METAP1D: variants seen among roughly 807,000 people sequenced by gnomAD.
METAP1D encodes the protein methionine aminopeptidase 1D, mitochondrial.
A neutral mutation model predicts 40.5 loss-of-function variants in METAP1D; 31 were observed. That is an observed-to-expected ratio of 0.77 (90% CI 0.58 to 1.03). The LOEUF (loss-of-function observed/expected upper bound fraction) is 1.03, where lower values mean the gene tolerates loss of function less well. Ranked by LOEUF, METAP1D falls within the 50% of genes least tolerant of loss-of-function variation. The probability of loss-of-function intolerance (pLI) is 0.00; values close to 1 mark genes in which losing one functional copy is unlikely to be tolerated. For missense variants in METAP1D, 411 were observed against 420.7 expected, an observed-to-expected ratio of 0.98 and a Z score of 0.20; for synonymous variants, 151 against 146.4, an observed-to-expected ratio of 1.03 and a Z score of -0.22.
chr2:172,007,847 AC>A (rs1688623749), intron 1 of METAP1D, among the ~76,000 whole-genome samples: 1 of 151,700 alleles, frequency 6.6e-6, no homozygotes, highest in South Asian at 2.1e-4. Context: ...ATGCCACGAC[AC>A]CCGGCTAATT....
intron 1 of METAP1D, among the ~76,000 whole-genome samples, chr2:172,054,318 G>A (rs1043270624): frequency 3.9e-5 from 6 of 152,158 alleles, no homozygotes; most frequent in East Asian, 1.9e-4. Flanking sequence ...TCAGGAGATC[G>A]AGACCATCCT....
intron 1 of METAP1D, among the ~76,000 whole-genome samples, chr2:172,050,434 G>GTT (rs147904842): frequency 1.3e-5 from 2 of 151,162 alleles, no homozygotes; most frequent in South Asian, 2.1e-4. Flanking sequence ...TACTATATCA[G>GTT]TTTTTTTTTA....
At chr2:172,058,555 T>C (rs1690052006) in intron 1 of METAP1D, among the ~76,000 whole-genome samples, 1 of 152,166 alleles carries the variant, frequency 6.6e-6, no homozygotes, top group Non-Finnish European at 1.5e-5. Context: ...AACTTTTTTT[T>C]TTTTAGAGAG....
intron 1 of METAP1D, among the ~76,000 whole-genome samples, chr2:172,017,619 A>C (rs1168241751): frequency 6.6e-6 from 1 of 151,904 alleles, no homozygotes; most frequent in Non-Finnish European, 1.5e-5. Context: ...ATGGACAAAA[A>C]TGTGATTCAT....
chr2:172,071,790 A>G (rs2105492766), intron 6 of METAP1D, among the ~76,000 whole-genome samples: 1 of 152,352 alleles, frequency 6.6e-6, no homozygotes, highest in East Asian at 1.9e-4. Context: ...ATTCTGTTAA[A>G]GATGATCACA....
chr2:172,068,376 AGAGCG>A (rs1266814114), intron 5 of METAP1D, among the ~76,000 whole-genome samples: 2 of 152,158 alleles, frequency 1.3e-5, no homozygotes, highest in African/African-American at 4.8e-5. Flanking sequence ...CCTGGGTGAC[AGAGCG>A]AGACTCTGTC....
In METAP1D at chr2:172,071,060, A is replaced by T; in HGVS notation, c.694A>T (p.Asn232Tyr). The T allele has an allele frequency of 6.2e-7, 1 of 1,610,032 alleles. No individual in the cohort carries two copies. The highest frequency in any genetic ancestry group is 1.1e-5 in the South Asian group (1 of 90,568). Residue 232 changes from asparagine to tyrosine, a missense_variant, in exon 6 of 10, where the codon AAC (asparagine) becomes TAC (tyrosine). Transcript: ENST00000315796. The stretch of plus-strand genomic sequence containing the variant: ...AGGGGCTCCCTTCTCTGTAATTGGA[A>T]ACACAATCAGGTAAGCCTTACATTG... ...RAGAPFSVIG[N>Y]TISHITHQNG...
intron 1 of METAP1D, among the ~76,000 whole-genome samples, chr2:172,017,610 T>G (rs1688905847): frequency 6.6e-6 from 1 of 151,870 alleles, no homozygotes. Flanking sequence ...ATTAGGAATA[T>G]GGACAAAAAT....
chr2:172,049,058 C>T (rs1241638828), intron 1 of METAP1D, among the ~76,000 whole-genome samples: 2 of 152,176 alleles, frequency 1.3e-5, no homozygotes, highest in African/African-American at 2.4e-5. Flanking sequence ...AATCTTGGCT[C>T]ACTGCAACCT....
intron 1 of METAP1D, among the ~76,000 whole-genome samples, chr2:172,033,969 C>T (rs544396319): frequency 2.0e-5 from 3 of 149,302 alleles, no homozygotes; most frequent in Non-Finnish European, 4.4e-5. Context: ...CCCGGCTACT[C>T]GGGAGGCTGA....
intron 1 of METAP1D, among the ~76,000 whole-genome samples, chr2:172,023,581 T>C (rs1236451958): frequency 6.6e-6 from 1 of 152,208 alleles, no homozygotes; most frequent in African/African-American, 2.4e-5. Context: ...TCGTCAGGAC[T>C]CATCGAATGG....
At chr2:172,065,329 T>A (rs183160190) in intron 3 of METAP1D, among the ~76,000 whole-genome samples, 7 of 152,346 alleles carry the variant, frequency 4.6e-5, no homozygotes, top group Non-Finnish European at 1.0e-4. Context: ...AAGGGAGTTA[T>A]GTCATTTAAT....
intron 1 of METAP1D, among the ~76,000 whole-genome samples, chr2:172,025,354 G>T (rs951286789): frequency 1.3e-5 from 2 of 152,056 alleles, no homozygotes; most frequent in African/African-American, 4.8e-5. Context: ...TTTGAGACAA[G>T]ATCTCACTCT....
intron 1 of METAP1D, among the ~76,000 whole-genome samples, chr2:172,037,281 A>C (rs1044658702): frequency 5.3e-5 from 8 of 150,228 alleles, no homozygotes; most frequent in Admixed American, 2.0e-4. Context: ...AAAAAAGTCT[A>C]GGTTTTACTT....
intron 1 of METAP1D, among the ~76,000 whole-genome samples, chr2:172,054,998 C>A (rs141995461): frequency 6.6e-6 from 1 of 152,336 alleles, no homozygotes; most frequent in East Asian, 1.9e-4. Flanking sequence ...ATACTACGAT[C>A]ATCTCTTGCA....
At position 172,034,122 on chromosome 2, in the gene METAP1D, A is replaced by C. The variant is rs552491115; in HGVS notation, c.41-27376A>C. Among the ~76,000 whole-genome samples the C allele has an allele frequency of 4.0e-5, 6 of 151,646 alleles. No individual in the cohort carries two copies. In the South Asian group the frequency reaches 1.3e-3, roughly 32 times the overall value. On this transcript the variant is annotated intron_variant, in intron 1 of 9. Coordinates refer to ENST00000315796, the MANE Select transcript of METAP1D (RefSeq NM_199227.3). ...AAGTCCTCATCTTTTGGATGTACAC[A>C]TGGAAATATTTACAGTTGAAATTAT... is the stretch of plus-strand genomic sequence containing the variant.
At chr2:172,016,341 G>C (rs1263463143) in intron 1 of METAP1D, among the ~76,000 whole-genome samples, 1 of 121,196 alleles carries the variant, frequency 8.3e-6, no homozygotes, top group Non-Finnish European at 1.7e-5. Flanking sequence ...AAATAGTCCA[G>C]GCGTGGTGAC....
intron 9 of METAP1D, 51 bp downstream of exon 9, chr2:172,080,257 G>T: frequency 6.2e-7 from 1 of 1,613,750 alleles, no homozygotes; most frequent in South Asian, 1.1e-5. Context: ...AAGGAAGATT[G>T]GTCCGACGGC....
chr2:172,049,756 G>C (rs1689847707), intron 1 of METAP1D, among the ~76,000 whole-genome samples: 1 of 152,078 alleles, frequency 6.6e-6, no homozygotes, highest in African/African-American at 2.4e-5. Context: ...GGCTTCTGTT[G>C]TCTTGAATCT....
Sources: allele counts gnomAD v4.1 joint callset (sites outside exome capture counted in the v4.1 genomes callset), GRCh38; gene constraint gnomAD v4.1.1; transcripts MANE v1.5; gene names NCBI Gene and HGNC (gene_info 2026-07-23, HGNC 2026-07-21).